Variants in PCLO observed in about 807,000 individuals in gnomAD.
PCLO encodes the protein protein piccolo.
In PCLO, 82 loss-of-function variants were observed where a neutral mutation model predicts 427.5. The ratio of observed to expected loss-of-function variants is 0.19; its 90% CI spans 0.16 to 0.23. PCLO has a LOEUF of 0.23. PCLO is among the 10% of genes least tolerant of loss of function. The probability of loss-of-function intolerance (pLI) is 1.00; values close to 1 mark genes in which losing one functional copy is unlikely to be tolerated. For synonymous variants in PCLO, 2,357 were observed against 2,155.4 expected (o/e 1.09, Z -2.59); for missense variants, 6,239 against 6,115.9 (o/e 1.02, Z -0.67).
At chr7:82,909,895 T>G (rs1794281247) in intron 7 of PCLO, among the ~76,000 whole-genome samples, 1 of 152,110 alleles carries the variant, frequency 6.6e-6, no homozygotes, top group Non-Finnish European at 1.5e-5. Context: ...CACAGATTAC[T>G]TTTTTGAAAA....
intron 6 of PCLO, among the ~76,000 whole-genome samples, chr7:82,921,431 A>T (rs1794593091): frequency 6.6e-6 from 1 of 152,066 alleles, no homozygotes; most frequent in Non-Finnish European, 1.5e-5. Flanking sequence ...AGAACCCAGA[A>T]ATAAAGTTGC....
chr7:82,826,719 C>T, intron 17 of PCLO, 59 bp from the exon 18 acceptor site: 2 of 1,056,650 alleles, frequency 1.9e-6, no homozygotes, highest in South Asian at 1.5e-5. Context: ...ATTTTCATTA[C>T]ACACATACAG....
intron 3 of PCLO, among the ~76,000 whole-genome samples, chr7:83,131,640 C>A (rs1791575515): frequency 6.6e-6 from 1 of 151,946 alleles, no homozygotes; most frequent in Admixed American, 6.6e-5. Flanking sequence ...TGAGGGAATA[C>A]CATTTATTTG....
intron 3 of PCLO, among the ~76,000 whole-genome samples, chr7:83,091,979 T>A (rs1420584288): frequency 6.6e-6 from 1 of 151,746 alleles, no homozygotes; most frequent in Admixed American, 6.6e-5. Flanking sequence ...CACTTCCAAA[T>A]TTTTTTTTCA....
intron 3 of PCLO, among the ~76,000 whole-genome samples, chr7:83,088,605 T>G (rs1161190748): frequency 6.6e-6 from 1 of 152,212 alleles, no homozygotes; most frequent in East Asian, 1.9e-4. Flanking sequence ...AACATTACTC[T>G]GCAAGCCCCT....
At chr7:82,994,733 T>C (rs1796456591) in intron 3 of PCLO, among the ~76,000 whole-genome samples, 1 of 151,860 alleles carries the variant, frequency 6.6e-6, no homozygotes, top group African/African-American at 2.4e-5. Context: ...ATTTTCAAAA[T>C]ATCACTTGAG....
chr7:82,842,766 CAGA>C, intron 13 of PCLO, among the ~76,000 whole-genome samples: 2 of 152,086 alleles, frequency 1.3e-5, no homozygotes, highest in Admixed American at 6.6e-5. Context: ...AGACATTTCT[CAGA>C]AGAAGACATA....
intron 3 of PCLO, among the ~76,000 whole-genome samples, chr7:83,071,519 A>G (rs1312562114): frequency 6.6e-6 from 1 of 152,126 alleles, no homozygotes; most frequent in Non-Finnish European, 1.5e-5. Context: ...CACATTTCAC[A>G]ACACCTATTC....
intron 2 of PCLO, among the ~76,000 whole-genome samples, chr7:83,138,193 A>T (rs1791775740): frequency 6.6e-6 from 1 of 152,222 alleles, no homozygotes; most frequent in Non-Finnish European, 1.5e-5. Context: ...CAAGATCTGT[A>T]TCCACATTAA....
chr7:82,925,713 C>CTTTTTTTTTTTT (rs34017885), intron 6 of PCLO, among the ~76,000 whole-genome samples: 4 of 79,012 alleles, frequency 5.1e-5, no homozygotes, highest in African/African-American at 1.9e-4. Flanking sequence ...ATTTTTGTTG[C>CTTTTTTTTTTTT]TTTTTTTTTT....
At chr7:83,029,409 A>G (rs1469051840) in intron 3 of PCLO, among the ~76,000 whole-genome samples, 1 of 147,932 alleles carries the variant, frequency 6.8e-6, no homozygotes, top group African/African-American at 2.5e-5. Flanking sequence ...AACCACAATG[A>G]GATACCATCT....
chr7:82,860,263 C>T (rs1463279210), intron 10 of PCLO, among the ~76,000 whole-genome samples: 1 of 151,490 alleles, frequency 6.6e-6, no homozygotes, highest in Non-Finnish European at 1.5e-5. Flanking sequence ...AAGACAACTA[C>T]CTAAAGGCAT....
In PCLO at chr7:82,949,647, G is replaced by A. The variant is rs1406540460; in HGVS notation, c.10941C>T (p.Leu3647=). 1 of 1,613,850 alleles carries A rather than the reference G, an allele frequency of 6.2e-7. No individual in the cohort carries two copies. Among genetic ancestry groups the A allele is most frequent in the Non-Finnish European group, 8.5e-7 (1 of 1,179,850 alleles). ...ESAFVPYEKP[L]PDDISPQKVL... is the part of the protein sequence containing the mutation. ...CTTTCTGTGGACTTATATCATCAGGGAGGGGTTTTTCATAAGGTACAAAGG... is the reference window on the plus strand; with the variant it reads ...CTTTCTGTGGACTTATATCATCAGGAAGGGGTTTTTCATAAGGTACAAAGG... Residue 3647 remains leucine, a synonymous_variant, in exon 6 of 25, where the codon CTC becomes CTT. Coordinates refer to ENST00000333891, the MANE Select transcript of PCLO (RefSeq NM_033026.6).
chr7:82,764,624 C>T lies in PCLO; in HGVS notation c.15008-3131G>A, dbSNP rs187808210. 2.6e-5 allele frequency among the ~76,000 whole-genome samples: 4 copies of T among 151,886 alleles called. No individual in the cohort carries two copies. In the East Asian group the frequency reaches 7.8e-4, roughly 29 times the overall value. ...GGCAAGTATGTCAGGCATATGGAAT[C>T]AATAAGAGTGCAGAGGTTGAGATCT... On this transcript the variant is annotated intron_variant, in intron 22 of 24. Transcript: ENST00000333891.
chr7:83,069,018 T>C (rs1789740240), intron 3 of PCLO, among the ~76,000 whole-genome samples: 1 of 152,152 alleles, frequency 6.6e-6, no homozygotes, highest in Non-Finnish European at 1.5e-5. Context: ...ATTAAACTCA[T>C]AGAAGCAGAG....
intron 3 of PCLO, among the ~76,000 whole-genome samples, chr7:83,074,222 G>T (rs1439823719): frequency 6.6e-6 from 1 of 151,720 alleles, no homozygotes; most frequent in Non-Finnish European, 1.5e-5. Flanking sequence ...GTTCATTCAG[G>T]CCAGGAAAGA....
intron 3 of PCLO, among the ~76,000 whole-genome samples, chr7:83,121,736 T>G (rs1165991825): frequency 6.6e-6 from 1 of 152,026 alleles, no homozygotes; most frequent in African/African-American, 2.4e-5. Context: ...CTTAGACAAA[T>G]GTTATAGATT....
At chr7:82,984,303 C>T (rs1412511521) in intron 3 of PCLO, among the ~76,000 whole-genome samples, 2 of 151,490 alleles carry the variant, frequency 1.3e-5, no homozygotes, top group Admixed American at 6.6e-5. Context: ...CAATCATTAC[C>T]TCTCATTAAC....
chr7:82,913,214 A>G (rs561278731), intron 7 of PCLO, among the ~76,000 whole-genome samples: 3 of 152,128 alleles, frequency 2.0e-5, no homozygotes, highest in Non-Finnish European at 4.4e-5. Context: ...AAATCAGAAA[A>G]TGACTAATCT....
Sources: gnomAD v4.1 joint callset for allele counts (sites outside exome capture counted in the v4.1 genomes callset) on GRCh38, gnomAD v4.1.1 for gene constraint, MANE v1.5 for transcripts, NCBI Gene and HGNC (gene_info 2026-07-23, HGNC 2026-07-21) for gene names.